Variants in REPS1 observed in about 807,000 individuals in gnomAD.
The protein encoded by REPS1 is RALBP1 associated Eps domain containing 1.
A neutral mutation model predicts 100.9 loss-of-function variants in REPS1; 39 were observed. That is an observed-to-expected ratio of 0.39 (90% CI 0.30 to 0.50). The LOEUF (loss-of-function observed/expected upper bound fraction) is 0.50, where lower values mean the gene tolerates loss of function less well. Among genes scored for constraint, REPS1 ranks in the 20% least tolerant of loss-of-function variants. REPS1 has a pLI of 0.86. For synonymous variants in REPS1, 324 were observed against 340.3 expected, an observed-to-expected ratio of 0.95 and a Z score of 0.53; for missense variants, 821 against 968.5, an observed-to-expected ratio of 0.85 and a Z score of 2.02.
chr6:138,987,732 C>G lies in REPS1; in HGVS notation c.-50G>C. 1 of 1,465,280 alleles carries G rather than the reference C, an allele frequency of 6.8e-7. No homozygotes were observed. The allele number at this position is 1,465,280 out of a possible 1,614,324, so 90.8% of individuals were successfully genotyped here. A position where few individuals can be genotyped will look rare whatever the true frequency, so the allele number is the denominator to read the frequency against. ...CCGCCCCGCATGCACTACTCGGGGC[C>G]CGGCCCCAGGAACCTGGGCCGGCAG... On this transcript the variant is annotated 5_prime_UTR_variant, in exon 1 of 20. Coordinates refer to ENST00000450536, the MANE Select transcript of REPS1 (RefSeq NM_001286611.2).
chr6:138,911,423 CATAA>C (rs1779997169), intron 16 of REPS1, 52 bp from the exon 17 acceptor site: 1 of 1,115,518 alleles, frequency 9.0e-7, no homozygotes, highest in East Asian at 2.4e-5. Context: ...TGTAATTATG[CATAA>C]ATATAGAATA....
intron 8 of REPS1, among the ~76,000 whole-genome samples, chr6:138,932,247 G>A (rs576118430): frequency 5.3e-5 from 8 of 152,254 alleles, no homozygotes; most frequent in South Asian, 2.1e-4. Context: ...ATACTTTACC[G>A]CTATTTCAAT....
At position 138,912,733 on chromosome 6, in the gene REPS1, G is replaced by A. The variant is rs1383829848; in HGVS notation, c.1971+32C>T. 1.9e-6 allele frequency: 3 copies of A among 1,606,580 alleles called. No homozygotes were observed. In the Admixed American group the frequency reaches 5.0e-5, roughly 27 times the overall value. ...AACATGGTATGGGAAGTGACTGCCT[G>A]CAGAAAATTAGCCAAGCCCTCGAAA... On this transcript the variant is annotated intron_variant, in intron 16 of 19. Coordinates refer to ENST00000450536, the MANE Select transcript of REPS1 (RefSeq NM_001286611.2).
At chr6:138,917,749 G>A (rs1017985122) in intron 12 of REPS1, 122 bp from the exon 13 acceptor site, 4 of 712,032 alleles carry the variant, frequency 5.6e-6, no homozygotes, top group African/African-American at 5.3e-5. Context: ...TTGGCTAATA[G>A]GCTAACAGTT....
intron 2 of REPS1, among the ~76,000 whole-genome samples, chr6:138,947,308 T>C (rs547434830): frequency 6.6e-6 from 1 of 152,284 alleles, no homozygotes; most frequent in African/African-American, 2.4e-5. Context: ...ATATTGTCTC[T>C]TATCGATCAA....
chr6:138,907,317 T>TGTGTGTGTGTGG, intron 19 of REPS1, 178 bp downstream of exon 19: 1 of 298,508 alleles, frequency 3.3e-6, no homozygotes, highest in Non-Finnish European at 5.9e-6. Context: ...AAAAAAAGTG[T>TGTGTGTGTGTGG]GTGTGTGTGT....
At chr6:138,943,629 G>T in intron 6 of REPS1, 53 bp from the exon 7 acceptor site, 2 of 1,332,084 alleles carry the variant, frequency 1.5e-6, no homozygotes, top group South Asian at 2.5e-5. Context: ...ACGGATCCAC[G>T]AACAGAATGT....
At position 138,980,690 on chromosome 6, in the gene REPS1, G is replaced by C. The variant is rs866270704; in HGVS notation, c.153+6840C>G. 1.9e-4 allele frequency among the ~76,000 whole-genome samples: 24 copies of C among 123,856 alleles called. 1 individual carries two copies. In the South Asian group the frequency reaches 5.0e-3, roughly 26 times the overall value. The allele number at this position is 123,856 out of a possible 152,430, so 81.3% of individuals were successfully genotyped here. ...TTTTTTTTTTGTGGGTGGGGCGGGG[G>C]GGGGGGGGAACGGAGACTTGCTCTG... On this transcript the variant is annotated intron_variant, in intron 1 of 19. Coordinates refer to ENST00000450536, the MANE Select transcript of REPS1 (RefSeq NM_001286611.2).
chr6:138,929,975 A>C lies in REPS1; in HGVS notation c.1257+2T>G. On this transcript the variant is annotated splice_donor_variant, in intron 9 of 19. Coordinates refer to ENST00000450536, the MANE Select transcript of REPS1 (RefSeq NM_001286611.2). LOFTEE classifies it high-confidence loss of function. Reference sequence around the variant, plus strand: ...ATGAAAGAAAAGGAAAGCTTTGCTAACCTCACTGCTCTGATTCAGCTCAGG... The same window carrying C: ...ATGAAAGAAAAGGAAAGCTTTGCTACCCTCACTGCTCTGATTCAGCTCAGG... 1 of 1,612,564 alleles carries C rather than the reference A, an allele frequency of 6.2e-7. No homozygotes were observed. Among genetic ancestry groups the C allele is most frequent in the Non-Finnish European group, 8.5e-7 (1 of 1,178,984 alleles).
intron 1 of REPS1, among the ~76,000 whole-genome samples, chr6:138,971,729 T>C (rs1360268325): frequency 6.6e-6 from 1 of 152,188 alleles, no homozygotes; most frequent in East Asian, 1.9e-4. Context: ...CCTCCTTCTC[T>C]TCTCATGCCC....
intron 17 of REPS1, among the ~76,000 whole-genome samples, chr6:138,909,294 T>G (rs1385740895): frequency 1.3e-5 from 2 of 152,250 alleles, no homozygotes; most frequent in Non-Finnish European, 2.9e-5. Context: ...ACAGTAATTA[T>G]AACTTCTGAA....
intron 1 of REPS1, among the ~76,000 whole-genome samples, chr6:138,981,067 C>T (rs979156913): frequency 6.6e-6 from 1 of 152,282 alleles, no homozygotes; most frequent in South Asian, 2.1e-4. Flanking sequence ...GAGCTTGACT[C>T]AATTAGGGGA....
chr6:138,981,696 G>C (rs1582870755), intron 1 of REPS1, among the ~76,000 whole-genome samples: 1 of 152,214 alleles, frequency 6.6e-6, no homozygotes, highest in Non-Finnish European at 1.5e-5. Context: ...ACTCTCATTT[G>C]AGTCAGAAAT....
At chr6:138,979,191 A>AAAC (rs1554298119) in intron 1 of REPS1, among the ~76,000 whole-genome samples, 3 of 147,928 alleles carry the variant, frequency 2.0e-5, no homozygotes, top group East Asian at 2.0e-4. Context: ...AAAAAAAAAA[A>AAAC]AAAAAACAAA....
rs766544128 is a variant in REPS1 at position 138,987,717 on chromosome 6, T to G, written c.-35A>C. On this transcript the variant is annotated 5_prime_UTR_variant, in exon 1 of 20. It removes an upstream start codon present in the reference 5' UTR. Coordinates refer to ENST00000450536, the MANE Select transcript of REPS1 (RefSeq NM_001286611.2). ...CGGCTCACGGCCGCCCCGCCCCGCA[T>G]GCACTACTCGGGGCCCGGCCCCAGG... 7.9e-6 allele frequency: 12 copies of G among 1,512,768 alleles called. No individual in the cohort carries two copies. Among genetic ancestry groups the G allele is most frequent in the South Asian group, 1.3e-5 (1 of 79,812 alleles). 93.7% of individuals were successfully genotyped at this position (1,512,768 alleles called of 1,614,324 possible). A position where few individuals can be genotyped will look rare whatever the true frequency, so the allele number is the denominator to read the frequency against.
chr6:138,974,119 A>G (rs1329972944), intron 1 of REPS1, among the ~76,000 whole-genome samples: 2 of 152,140 alleles, frequency 1.3e-5, no homozygotes, highest in African/African-American at 2.4e-5. Context: ...AATTAATGAA[A>G]GGTGTAATTA....
intron 1 of REPS1, among the ~76,000 whole-genome samples, chr6:138,966,658 T>A (rs1056166741): frequency 2.0e-5 from 3 of 152,216 alleles, no homozygotes; most frequent in African/African-American, 7.2e-5. Context: ...CAGTAGTACA[T>A]TCATCTAATA....
intron 9 of REPS1, chr6:138,929,006 T>C (rs1423326611): frequency 6.6e-6 from 1 of 152,202 alleles, no homozygotes; most frequent in Non-Finnish European, 1.5e-5. Context: ...AGTTCTGTTT[T>C]CCAACTGTCC....
rs775929603 is a variant in REPS1, at chr6:138,911,319, C to T, written c.2024G>A (p.Ser675Asn). Residue 675 changes from serine (S) to asparagine (N), a missense_variant, in exon 17 of 20, where the codon AGT (serine) becomes AAT (asparagine). Ser to Asn is a conservative substitution (Grantham distance 46). This residue lies in a region of REPS1 where 757 missense variants were observed against 866.4 expected (regional missense o/e 0.87). Coordinates refer to ENST00000450536, the MANE Select transcript of REPS1 (RefSeq NM_001286611.2). ...ASSLRVAKTD[S>N]KTEEKTAASA... Reference sequence around the variant, plus strand: ...AGCAGCTGTCTTTTCTTCAGTTTTACTATCTGTTTTGGCAACTCGAAGAGA... The same window carrying T: ...AGCAGCTGTCTTTTCTTCAGTTTTATTATCTGTTTTGGCAACTCGAAGAGA... 4 of 1,613,732 alleles carry T rather than the reference C, an allele frequency of 2.5e-6. No individual in the cohort carries two copies. Among genetic ancestry groups the T allele is most frequent in the Non-Finnish European group, 3.4e-6 (4 of 1,179,702 alleles).
Sources: gnomAD v4.1 joint callset for allele counts (sites outside exome capture counted in the v4.1 genomes callset) on GRCh38, gnomAD v4.1.1 for gene constraint, gnomAD v4.1.1 regional missense constraint, MANE v1.5 for transcripts, NCBI Gene and HGNC (gene_info 2026-07-23, HGNC 2026-07-21) for gene names.